The following NFILZ variants were observed in gnomAD, a reference collection of about 807,000 sequenced individuals.
NFILZ encodes NFIL3 like protein.
chr19:8,649,767 C>T (rs561996907), intron 3 of NFILZ, among the ~76,000 whole-genome samples: 2 of 152,132 alleles, frequency 1.3e-5, no homozygotes, highest in African/African-American at 4.8e-5. Context: ...CTGCTTTTAT[C>T]ATTCACATAT....
chr19:8,645,908 T>C (rs782042291), intron 3 of NFILZ, among the ~76,000 whole-genome samples: 1 of 152,222 alleles, frequency 6.6e-6, no homozygotes, highest in Non-Finnish European at 1.5e-5. Context: ...GAAGATGATA[T>C]TAGGTTGATG....
intron 3 of NFILZ, among the ~76,000 whole-genome samples, chr19:8,653,859 T>A (rs2967715): frequency 0.093 from 14,126 of 152,138 alleles, 1,038 homozygotes; most frequent in East Asian, 0.42. Context: ...AAAGGCTACA[T>A]GTTGGGTACA....
At chr19:8,637,534 A>C (rs1334950549) in intron 3 of NFILZ, among the ~76,000 whole-genome samples, 1 of 151,176 alleles carries the variant, frequency 6.6e-6, no homozygotes, top group Non-Finnish European at 1.5e-5. Flanking sequence ...AATAGCTTGA[A>C]CTGGGGAGGT....
chr19:8,651,116 G>A (rs115498714), intron 3 of NFILZ, among the ~76,000 whole-genome samples: 142 of 152,188 alleles, frequency 9.3e-4, no homozygotes, highest in African/African-American at 3.3e-3. Flanking sequence ...ATTTATTTGT[G>A]TTAGGAACGT....
At chr19:8,672,972 G>A (rs1208271890) in intron 3 of NFILZ, among the ~76,000 whole-genome samples, 9 of 152,222 alleles carry the variant, frequency 5.9e-5, no homozygotes, top group Middle Eastern at 3.4e-3. Flanking sequence ...GGGGACAAGG[G>A]TGGAGGCTGG....
intron 3 of NFILZ, among the ~76,000 whole-genome samples, chr19:8,667,984 G>T (rs568550246): frequency 6.6e-6 from 1 of 151,452 alleles, no homozygotes; most frequent in African/African-American, 2.4e-5. Context: ...ACAGAGTCTT[G>T]CTCTGTCACC....
Position 8,679,746 on chromosome 19 carries a change from G to C in NFILZ, c.*2111G>C, listed in dbSNP as rs111818779. 0.011 allele frequency among the ~76,000 whole-genome samples: 1,716 copies of C among 152,224 alleles called. 32 individuals are homozygous for C. The highest frequency in any genetic ancestry group is 0.039 in the African/African-American group (1,625 of 41,526). ...TCCATGCCTGACCTTCCAGCAGGTG[G>C]CTTTTCTCATGTCACTGAGCCTCCC... On this transcript the variant is annotated 3_prime_UTR_variant, in exon 6 of 6. Coordinates refer to ENST00000691075, the MANE Select transcript of NFILZ (RefSeq NM_001378600.1).
At chr19:8,655,073 T>C (rs1555748184) in intron 3 of NFILZ, among the ~76,000 whole-genome samples, 2 of 152,200 alleles carry the variant, frequency 1.3e-5, no homozygotes, top group Non-Finnish European at 2.9e-5. Flanking sequence ...TTAGCTCCAC[T>C]TCTTCCTGGG....
chr19:8,666,912 CT>C (rs35846585), intron 3 of NFILZ, among the ~76,000 whole-genome samples: 47,292 of 128,038 alleles, frequency 0.37, 8,149 homozygotes, highest in East Asian at 0.66. Context: ...TTTTTGAAAA[CT>C]TTTTTTTTTT....
At chr19:8,663,540 G>T (rs1432945470) in intron 3 of NFILZ, among the ~76,000 whole-genome samples, 1 of 150,722 alleles carries the variant, frequency 6.6e-6, no homozygotes, top group Non-Finnish European at 1.5e-5. Flanking sequence ...GATGGGGAAG[G>T]TGGAGGGGGC....
chr19:8,658,685 A>G, intron 3 of NFILZ, among the ~76,000 whole-genome samples: 1 of 151,958 alleles, frequency 6.6e-6, no homozygotes. Flanking sequence ...TCATTCATTC[A>G]TTCATTCATT....
At chr19:8,676,316 T>A (rs2043109935) in intron 4 of NFILZ, among the ~76,000 whole-genome samples, 43 bp from the exon 5 acceptor site, 1 of 152,208 alleles carries the variant, frequency 6.6e-6, no homozygotes, top group Admixed American at 6.5e-5. Context: ...TGATCCCAAA[T>A]TGGCTCTGTT....
At chr19:8,662,344 G>A (rs781854679) in intron 3 of NFILZ, among the ~76,000 whole-genome samples, 1 of 152,086 alleles carries the variant, frequency 6.6e-6, no homozygotes, top group South Asian at 2.1e-4. Context: ...TAGGCTGGGG[G>A]TCAGGGGAGG....
chr19:8,668,237 G>A (rs555061338), intron 3 of NFILZ, among the ~76,000 whole-genome samples: 3 of 151,984 alleles, frequency 2.0e-5, no homozygotes, highest in East Asian at 1.9e-4. Flanking sequence ...AGGCCTGAGC[G>A]ACTGTGCCCG....
At chr19:8,669,526 C>G (rs2043077643) in intron 3 of NFILZ, among the ~76,000 whole-genome samples, 1 of 152,218 alleles carries the variant, frequency 6.6e-6, no homozygotes, top group Non-Finnish European at 1.5e-5. Context: ...ATACTAATCT[C>G]AGCCTTGCCG....
At chr19:8,671,237 C>T (rs1020034981) in intron 3 of NFILZ, among the ~76,000 whole-genome samples, 2 of 152,086 alleles carry the variant, frequency 1.3e-5, no homozygotes, top group Non-Finnish European at 2.9e-5. Context: ...TCTTCATCCC[C>T]CTCCGGCCAC....
At chr19:8,631,917 TGCAATGCAGTGGCTCGATCTCA>T in intron 1 of NFILZ, among the ~76,000 whole-genome samples, 1 of 151,212 alleles carries the variant, frequency 6.6e-6, no homozygotes, top group East Asian at 2.0e-4. Flanking sequence ...TTGCCCAGGC[TGCAATGCAGTGGCTCGATCTCA>T]GCTCACTGCA....
rs1555750941 is a variant in NFILZ at position 8,678,077 on chromosome 19, A to ATCC, written c.*442_*443insTCC. ...CCACCCATCTATTCATCCATCCATC[A>ATCC]ATCCATCCATCCATTCCATCCATCC... On this transcript the variant is annotated 3_prime_UTR_variant, in exon 6 of 6. Transcript: ENST00000691075. 1.5e-3 allele frequency among the ~76,000 whole-genome samples: 9 copies of ATCC among 6,110 alleles called. No individual in the cohort carries two copies. The highest frequency in any genetic ancestry group is 2.2e-3 in the Non-Finnish European group (7 of 3,222). 4.0% of individuals were successfully genotyped at this position (6,110 alleles called of 152,430 possible).
chr19:8,664,536 G>A (rs1277393256), intron 3 of NFILZ, among the ~76,000 whole-genome samples: 1 of 152,176 alleles, frequency 6.6e-6, no homozygotes, highest in Non-Finnish European at 1.5e-5. Flanking sequence ...TCCCCTTGAA[G>A]ACTGAGTTCC....
Sources: gnomAD v4.1 joint callset for allele counts (sites outside exome capture counted in the v4.1 genomes callset) on GRCh38, gnomAD v4.1.1 for gene constraint, MANE v1.5 for transcripts, NCBI Gene and HGNC (gene_info 2026-07-23, HGNC 2026-07-21) for gene names.